Variants in PDE4D observed in about 807,000 individuals in gnomAD.
PDE4D encodes 3',5'-cyclic-AMP phosphodiesterase 4D.
PDE4D carries 24 observed loss-of-function variants against 87.4 expected under a neutral mutation model. The observed-to-expected ratio is 0.27, with a 90% CI of 0.20 to 0.39. The LOEUF (loss-of-function observed/expected upper bound fraction) is 0.39, where lower values mean the gene tolerates loss of function less well. Among genes scored for constraint, PDE4D ranks in the 10% least tolerant of loss-of-function variants. The probability of loss-of-function intolerance (pLI) is 1.00; values close to 1 mark genes in which losing one functional copy is unlikely to be tolerated. For synonymous variants in PDE4D, 384 were observed against 383.2 expected (o/e 1.00, Z -0.02); for missense variants, 714 against 1,041.0 (o/e 0.69, Z 4.32).
chr5:59,736,500 G>A (rs1412678759), intron 1 of PDE4D, among the ~76,000 whole-genome samples: 4 of 152,092 alleles, frequency 2.6e-5, no homozygotes, highest in Admixed American at 6.6e-5. Flanking sequence ...CCAACATGGC[G>A]AAACACTGTC....
chr5:59,430,025 A>C (rs1048794532), intron 1 of PDE4D, among the ~76,000 whole-genome samples: 1 of 152,152 alleles, frequency 6.6e-6, no homozygotes, highest in Non-Finnish European at 1.5e-5. Flanking sequence ...AATTCTCATC[A>C]TGGGTGATTT....
chr5:59,907,216 G>C (rs1323103653), intron 3 of PDE4D, among the ~76,000 whole-genome samples: 1 of 152,146 alleles, frequency 6.6e-6, no homozygotes, highest in African/African-American at 2.4e-5. Flanking sequence ...ATTCTGACTG[G>C]AGTAAGATGG....
chr5:60,293,430 C>T (rs1753086879), intron 1 of PDE4D, among the ~76,000 whole-genome samples: 1 of 152,094 alleles, frequency 6.6e-6, no homozygotes, highest in Non-Finnish European at 1.5e-5. Context: ...AGGAGAATCG[C>T]TTGAACCTGA....
intron 1 of PDE4D, among the ~76,000 whole-genome samples, chr5:59,286,617 C>T (rs192105845): frequency 5.9e-5 from 9 of 152,184 alleles, no homozygotes; most frequent in African/African-American, 1.4e-4. Flanking sequence ...CTAGGAATCA[C>T]GACTTTCAAA....
chr5:59,968,547 A>G (rs1314759956), intron 3 of PDE4D, among the ~76,000 whole-genome samples: 1 of 152,158 alleles, frequency 6.6e-6, no homozygotes, highest in African/African-American at 2.4e-5. Context: ...ACAAATCTGT[A>G]CAAATACCCA....
At chr5:58,985,147 G>A (rs6883494) in intron 11 of PDE4D, among the ~76,000 whole-genome samples, 6,444 of 151,994 alleles carry the variant, frequency 0.042, 374 homozygotes, top group African/African-American at 0.14. Context: ...AACTCCTGAC[G>A]TCAGTGATTC....
chr5:59,270,212 C>G (rs11738575), intron 1 of PDE4D, among the ~76,000 whole-genome samples: 1 of 152,110 alleles, frequency 6.6e-6, no homozygotes, highest in Non-Finnish European at 1.5e-5. Flanking sequence ...AAAAGTTTAC[C>G]TCATGCTCAA....
intron 1 of PDE4D, among the ~76,000 whole-genome samples, chr5:59,654,556 A>G (rs1426177562): frequency 6.6e-6 from 1 of 152,224 alleles, no homozygotes; most frequent in African/African-American, 2.4e-5. Context: ...ACTTAGGAAA[A>G]TTGTTCTATA....
intron 1 of PDE4D, among the ~76,000 whole-genome samples, chr5:59,420,207 A>G (rs1794256799): frequency 6.6e-6 from 1 of 152,298 alleles, no homozygotes; most frequent in South Asian, 2.1e-4. Context: ...TAGCTTAGAA[A>G]GATTAATGGG....
chr5:60,054,812 G>T (rs1230082082), intron 2 of PDE4D, among the ~76,000 whole-genome samples: 1 of 151,798 alleles, frequency 6.6e-6, no homozygotes, highest in Admixed American at 6.6e-5. Flanking sequence ...ATTTCTACCT[G>T]CAGAAAACAA....
intron 5 of PDE4D, among the ~76,000 whole-genome samples, chr5:59,130,583 C>A (rs949751548): frequency 2.6e-5 from 4 of 152,122 alleles, no homozygotes; most frequent in Non-Finnish European, 5.9e-5. Context: ...GTTGGCTAAC[C>A]CAAATTTCGT....
intron 1 of PDE4D, among the ~76,000 whole-genome samples, chr5:59,337,979 G>A (rs1778021328): frequency 6.6e-6 from 1 of 152,122 alleles, no homozygotes; most frequent in African/African-American, 2.4e-5. Flanking sequence ...TTCTTTGGTA[G>A]AAGAGAGGAA....
At chr5:59,979,512 G>A (rs1315724826) in intron 3 of PDE4D, among the ~76,000 whole-genome samples, 1 of 151,314 alleles carries the variant, frequency 6.6e-6, no homozygotes, top group Non-Finnish European at 1.5e-5. Context: ...AGAACCCCCT[G>A]AGAAAAAGCC....
At chr5:59,375,565 A>T (rs1277600868) in intron 1 of PDE4D, among the ~76,000 whole-genome samples, 1 of 152,174 alleles carries the variant, frequency 6.6e-6, no homozygotes, top group African/African-American at 2.4e-5. Flanking sequence ...CAACCAAAAA[A>T]ACCCCAGGAC....
intron 1 of PDE4D, among the ~76,000 whole-genome samples, chr5:59,557,071 T>G (rs1275176597): frequency 1.3e-5 from 2 of 152,134 alleles, no homozygotes; most frequent in South Asian, 2.1e-4. Context: ...ACGAGTAAAA[T>G]GATGAAATAA....
rs1228634476 is a variant in PDE4D, at chr5:60,431,293, G to A, written c.-90+56649C>T. The stretch of plus-strand genomic sequence containing the variant: ...TTCTCAGACGGGGCAGCTGCCGGGC[G>A]GAGGGGCTCCTCACTTCTCAGACGG... On this transcript the variant is annotated intron_variant, in intron 1 of 16. Transcript: ENST00000502484. 2.4e-3 allele frequency among the ~76,000 whole-genome samples: 361 copies of A among 149,308 alleles called. 2 individuals carry two copies. The highest frequency in any genetic ancestry group is 8.5e-3 in the African/African-American group (345 of 40,534).
At chr5:59,512,259 A>T (rs1448472418) in intron 1 of PDE4D, among the ~76,000 whole-genome samples, 1 of 152,206 alleles carries the variant, frequency 6.6e-6, no homozygotes, top group Non-Finnish European at 1.5e-5. Context: ...ATCCCCTGAA[A>T]GGAGCAGGCT....
chr5:59,289,279 A>T (rs1287151866), intron 1 of PDE4D, among the ~76,000 whole-genome samples: 1 of 152,094 alleles, frequency 6.6e-6, no homozygotes, highest in African/African-American at 2.4e-5. Context: ...AGTTGTTATC[A>T]GTTTAAAATA....
chr5:59,380,323 G>GA (rs1023635089), intron 1 of PDE4D, among the ~76,000 whole-genome samples: 5 of 93,422 alleles, frequency 5.4e-5, no homozygotes, highest in Admixed American at 1.3e-4. Flanking sequence ...ATTAGGAAAT[G>GA]AAAAAAAATC....
Sources: gnomAD v4.1 joint callset for allele counts (sites outside exome capture counted in the v4.1 genomes callset) on GRCh38, gnomAD v4.1.1 for gene constraint, MANE v1.5 for transcripts, NCBI Gene and HGNC (gene_info 2026-07-23, HGNC 2026-07-21) for gene names.